ZNF845: variants seen among roughly 807,000 people sequenced by gnomAD.
ZNF845 encodes the protein zinc finger protein 845.
In ZNF845, 59 loss-of-function variants were observed where a neutral mutation model predicts 76.1. That is an observed-to-expected ratio of 0.78 (90% CI 0.63 to 0.96). The LOEUF is 0.96. ZNF845 is among the 40% of genes least tolerant of loss of function. ZNF845 has a pLI of 0.00. For synonymous variants in ZNF845, 361 were observed against 386.9 expected, an observed-to-expected ratio of 0.93 and a Z score of 0.78; for missense variants, 1,045 against 1,172.8, an observed-to-expected ratio of 0.89 and a Z score of 1.59.
chr19:53,346,241 T>G, intron 3 of ZNF845: 1 of 275,398 alleles, frequency 3.6e-6, no homozygotes, highest in South Asian at 2.7e-5. Flanking sequence ...TTCTCATTTA[T>G]TACTTTTTGC....
chr19:53,346,885 C>CTTATTTAT (rs10643449), intron 3 of ZNF845, among the ~76,000 whole-genome samples: 39 of 151,504 alleles, frequency 2.6e-4, no homozygotes, highest in Admixed American at 7.2e-4. Context: ...CTTTTATTTG[C>CTTATTTAT]TTATTTATTT....
intron 3 of ZNF845, chr19:53,346,366 C>T (rs753202259): frequency 3.3e-4 from 101 of 308,940 alleles, no homozygotes; most frequent in Admixed American, 1.2e-3. Context: ...CTTGGCTCAC[C>T]GCAGCCGGCT....
At chr19:53,344,735 A>G (rs2085282876) in intron 2 of ZNF845, among the ~76,000 whole-genome samples, 3 of 151,564 alleles carry the variant, frequency 2.0e-5, no homozygotes, top group African/African-American at 7.3e-5. Flanking sequence ...GCTTCAAGCA[A>G]TTCTCCTTCC....
intron 1 of ZNF845, among the ~76,000 whole-genome samples, chr19:53,338,544 C>G (rs113133532): frequency 0.12 from 15,360 of 131,438 alleles, 1,199 homozygotes; most frequent in Middle Eastern, 0.16. Context: ...TGTTCCGGAG[C>G]AGCTGGAGGC....
rs1472046010 is a variant in ZNF845 at position 53,336,639 on chromosome 19, T to TC, written c.-74+2847_-74+2848insC. Reference sequence around the variant, plus strand: ...TTCCTTCCTTTCTTTCTTTCTTTTTTTTTTTTTTTTTTTTGCAGTTTTACT... The same window carrying TC: ...TTCCTTCCTTTCTTTCTTTCTTTTTTCTTTTTTTTTTTTTTGCAGTTTTACT... On this transcript the variant is annotated intron_variant, in intron 1 of 3. Coordinates refer to ENST00000458035, the MANE Select transcript of ZNF845 (RefSeq NM_138374.3). Among the ~76,000 whole-genome samples, 731 of 149,276 alleles carry TC rather than the reference T, an allele frequency of 4.9e-3. 3 individuals are homozygous for TC. Among genetic ancestry groups the TC allele is most frequent in the Non-Finnish European group, 7.6e-3 (512 of 67,290 alleles).
chr19:53,352,897 A>G lies in ZNF845; in HGVS notation c.2222A>G (p.His741Arg), dbSNP rs1016575221. 3 of 1,614,152 alleles carry G rather than the reference A, an allele frequency of 1.9e-6. No individual in the cohort carries two copies. Among genetic ancestry groups the G allele is most frequent in the Non-Finnish European group, 1.7e-6 (2 of 1,180,028 alleles). ...KSSLTCHLRL[H>R]TGEKPYKCEE... is the part of the protein sequence containing the mutation. ...TCCCTTACATGCCATCTTAGACTTC[A>G]TACTGGAGAGAAACCTTACAAATGT... The change falls in exon 4 of 4, where the codon CAT becomes CGT. Residue 741 changes from histidine to arginine, a missense_variant. Physicochemically the swap from His to Arg is conservative, Grantham distance 29. Coordinates refer to ENST00000458035, the MANE Select transcript of ZNF845 (RefSeq NM_138374.3).
chr19:53,337,716 G>A (rs930574965), intron 1 of ZNF845, among the ~76,000 whole-genome samples: 2 of 151,940 alleles, frequency 1.3e-5, no homozygotes, highest in African/African-American at 4.8e-5. Flanking sequence ...TTACAGAGTC[G>A]CACCAAGCCC....
intron 1 of ZNF845, among the ~76,000 whole-genome samples, chr19:53,337,495 C>T (rs924790461): frequency 3.9e-5 from 6 of 152,124 alleles, no homozygotes; most frequent in Admixed American, 6.6e-5. Context: ...ATTCTTCTGC[C>T]TCACCCTTGC....
At chr19:53,338,088 A>G (rs1472941763) in intron 1 of ZNF845, among the ~76,000 whole-genome samples, 1 of 152,080 alleles carries the variant, frequency 6.6e-6, no homozygotes, top group Admixed American at 6.6e-5. Flanking sequence ...CCACAGGACA[A>G]CTGCAGCACC....
intron 2 of ZNF845, 118 bp from the exon 3 acceptor site, chr19:53,345,388 G>C: frequency 1.3e-6 from 2 of 1,574,206 alleles, no homozygotes; most frequent in Non-Finnish European, 1.7e-6. Flanking sequence ...TCCCTTACTC[G>C]GATTTGTCAG....
At position 53,353,542 on chromosome 19, in the gene ZNF845, C is replaced by G; in HGVS notation, c.2867C>G (p.Ala956Gly). 1.2e-6 allele frequency: 2 copies of G among 1,610,628 alleles called. No individual in the cohort carries two copies. The change falls in exon 4 of 4, where the codon GCA becomes GGA. Residue 956 changes from alanine to glycine, a missense_variant. By Grantham distance (60) the Ala-to-Gly change is moderately conservative (BLOSUM62 0). Transcript: ENST00000458035. Reference protein sequence around the residue: ...NECGKVFNRKAKLARHHRIHT... With the variant: ...NECGKVFNRKGKLARHHRIHT... The stretch of plus-strand genomic sequence containing the variant: ...TGTGGCAAGGTTTTTAATCGAAAAG[C>G]AAAACTTGCACGTCATCATAGAATT...
intron 1 of ZNF845, among the ~76,000 whole-genome samples, chr19:53,338,455 C>T (rs1484236688): frequency 6.6e-6 from 1 of 152,062 alleles, no homozygotes; most frequent in Non-Finnish European, 1.5e-5. Context: ...GTCAAGGGTC[C>T]TGGATTCCCT....
Position 53,356,229 on chromosome 19 carries a change from CAA to C in ZNF845, c.*2642_*2643del, listed in dbSNP as rs1454234193. 1 of 152,132 alleles carries C rather than the reference CAA, an allele frequency of 6.6e-6. No homozygotes were observed. Among genetic ancestry groups the C allele is most frequent in the Non-Finnish European group, 1.5e-5 (1 of 68,028 alleles). 9.4% of individuals were successfully genotyped at this position (152,132 alleles called of 1,614,324 possible). A position where few individuals can be genotyped will look rare whatever the true frequency, so the allele number is the denominator to read the frequency against. On this transcript the variant is annotated 3_prime_UTR_variant, in exon 4 of 4. Coordinates refer to ENST00000458035, the MANE Select transcript of ZNF845 (RefSeq NM_138374.3). ...CACAGCAATACAAATTCTGTTAAAA[CAA>C]GAAGAAACATCAAATTTACGATGAG...
chr19:53,335,344 T>C (rs1478904629), intron 1 of ZNF845, among the ~76,000 whole-genome samples: 1 of 152,186 alleles, frequency 6.6e-6, no homozygotes, highest in Non-Finnish European at 1.5e-5. Flanking sequence ...AACTGCAGCC[T>C]CGACCTCCTA....
intron 3 of ZNF845, 73 bp downstream of exon 3, chr19:53,345,705 C>T (rs2147039263): frequency 6.3e-7 from 1 of 1,599,096 alleles, no homozygotes; most frequent in East Asian, 2.2e-5. Context: ...TTTTTAGATA[C>T]AATGTCTTGC....
At chr19:53,341,146 C>A in intron 1 of ZNF845, 89 bp from the exon 2 acceptor site, 1 of 1,190,198 alleles carries the variant, frequency 8.4e-7, no homozygotes, top group South Asian at 1.5e-5. Context: ...CATATTTCCT[C>A]AGGGTGAGGT....
chr19:53,338,941 G>A (rs1599969204), intron 1 of ZNF845, among the ~76,000 whole-genome samples: 5 of 148,888 alleles, frequency 3.4e-5, no homozygotes, highest in Admixed American at 6.7e-5. Flanking sequence ...AAGAAAGAAA[G>A]AAAAAAAAAT....
chr19:53,350,700 T>A, intron 3 of ZNF845, 118 bp from the exon 4 acceptor site: 1 of 1,363,302 alleles, frequency 7.3e-7, no homozygotes, highest in African/African-American at 1.5e-5. Flanking sequence ...TCCTAAACTT[T>A]CAAGATAATG....
intron 3 of ZNF845, among the ~76,000 whole-genome samples, chr19:53,346,544 G>C (rs947225384): frequency 6.6e-5 from 10 of 152,202 alleles, no homozygotes; most frequent in African/African-American, 2.4e-4. Flanking sequence ...AGCCAGACAC[G>C]ATGGTGGGTG....
Sources: gnomAD v4.1 joint callset for allele counts (sites outside exome capture counted in the v4.1 genomes callset) on GRCh38, gnomAD v4.1.1 for gene constraint, MANE v1.5 for transcripts, NCBI Gene and HGNC (gene_info 2026-07-23, HGNC 2026-07-21) for gene names.